The following KPNA6 variants were observed in gnomAD, a reference collection of about 807,000 sequenced individuals.
KPNA6 encodes karyopherin subunit alpha 6.
KPNA6 carries 9 observed loss-of-function variants against 72.0 expected under a neutral mutation model. The ratio of observed to expected loss-of-function variants is 0.13; its 90% confidence interval spans 0.08 to 0.22. KPNA6 has a LOEUF of 0.22. Among genes scored for constraint, KPNA6 ranks in the 10% least tolerant of loss-of-function variants. The pLI, the probability that KPNA6 is intolerant of heterozygous loss-of-function variation, is 1.00. For missense variants in KPNA6, 374 were observed against 655.7 expected, an observed-to-expected ratio of 0.57 and a Z score of 4.69; for synonymous variants, 219 against 242.1, an observed-to-expected ratio of 0.90 and a Z score of 0.89.
chr1:32,135,231 C>G (rs1303038692), intron 1 of KPNA6, among the ~76,000 whole-genome samples: 1 of 152,060 alleles, frequency 6.6e-6, no homozygotes, highest in Admixed American at 6.6e-5. Context: ...CCAGGCCTGG[C>G]TAATTTTGTA....
At chr1:32,116,868 T>G (rs543198861) in intron 1 of KPNA6, among the ~76,000 whole-genome samples, 1 of 152,190 alleles carries the variant, frequency 6.6e-6, no homozygotes, top group South Asian at 2.1e-4. Context: ...TTGTTGTATC[T>G]CAGGGAATAG....
chr1:32,124,152 C>T (rs1161526822), intron 1 of KPNA6, among the ~76,000 whole-genome samples: 1 of 151,168 alleles, frequency 6.6e-6, no homozygotes, highest in Admixed American at 6.6e-5. Flanking sequence ...TGAGGAGGAT[C>T]GCTTGAGCCT....
intron 1 of KPNA6, among the ~76,000 whole-genome samples, chr1:32,152,573 C>T (rs148520082): frequency 7.2e-5 from 11 of 151,904 alleles, no homozygotes; most frequent in East Asian, 3.9e-4. Flanking sequence ...GGGCCAGGCA[C>T]GGTGGCTCAC....
At chr1:32,118,632 C>CA (rs1330358754) in intron 1 of KPNA6, among the ~76,000 whole-genome samples, 6 of 147,180 alleles carry the variant, frequency 4.1e-5, no homozygotes, top group African/African-American at 7.5e-5. Flanking sequence ...CCTGTCTCTA[C>CA]AAAAAAAAAA....
At chr1:32,164,733 C>T (rs540126510) in intron 10 of KPNA6, among the ~76,000 whole-genome samples, 2 of 141,132 alleles carry the variant, frequency 1.4e-5, no homozygotes, top group Admixed American at 7.1e-5. Flanking sequence ...GTCTTTTGCT[C>T]ATGTTTTAAT....
Position 32,126,500 on chromosome 1 carries a change from G to A in KPNA6, c.4+18366G>A, listed in dbSNP as rs570129327. ...CCTGGGTTCAAGTGATTCTTCTGCC[G>A]CAGCCTCCCAAGTAGCTGGGATTAC... On this transcript the variant is annotated intron_variant, in intron 1 of 13. Transcript: ENST00000373625. Among the ~76,000 whole-genome samples, 6 of 151,816 alleles carry A rather than the reference G, an allele frequency of 4.0e-5. No individual in the cohort carries two copies. The South Asian group carries it at 1.0e-3, about 26-fold the overall frequency.
chr1:32,162,459 C>T lies in KPNA6; in HGVS notation c.846C>T (p.Gly282=). 6.2e-7 allele frequency: 1 copy of T among 1,614,098 alleles called. No individual in the cohort carries two copies. Among genetic ancestry groups the T allele is most frequent in the Non-Finnish European group, 8.5e-7 (1 of 1,180,002 alleles). The stretch of plus-strand genomic sequence containing the variant: ...GGGCCCTTTCTTATCTGTCTGATGG[C>T]CCCAATGAGAAGATCCAGGCAGTCA... ...ACWALSYLSD[G]PNEKIQAVID... Residue 282 remains glycine, a synonymous_variant, in exon 9 of 14, where the codon GGC becomes GGT. Transcript: ENST00000373625.
chr1:32,147,379 C>T (rs1188791673), intron 1 of KPNA6, among the ~76,000 whole-genome samples: 1 of 152,114 alleles, frequency 6.6e-6, no homozygotes, highest in Non-Finnish European at 1.5e-5. Context: ...GCAGCATCAA[C>T]CTCCTGTGCT....
intron 10 of KPNA6, among the ~76,000 whole-genome samples, chr1:32,164,650 G>A (rs970770799): frequency 6.8e-6 from 1 of 146,732 alleles, no homozygotes; most frequent in Non-Finnish European, 1.5e-5. Context: ...GATTGGTAAT[G>A]TTGAGCATCT....
chr1:32,163,973 A>G (rs1011352075), intron 10 of KPNA6, among the ~76,000 whole-genome samples: 4 of 152,222 alleles, frequency 2.6e-5, no homozygotes, highest in African/African-American at 9.6e-5. Flanking sequence ...GTACATTCAC[A>G]TTGTTTTTCC....
Position 32,175,346 on chromosome 1 carries a change from C to T in KPNA6, c.*4452C>T, listed in dbSNP as rs910221879. Reference sequence around the variant, plus strand: ...GGCTGACTTCTGATGTCCACATTAGCTCGTACCTGAACCCTGTTGCTGAAT... The same window carrying T: ...GGCTGACTTCTGATGTCCACATTAGTTCGTACCTGAACCCTGTTGCTGAAT... On this transcript the variant is annotated 3_prime_UTR_variant, in exon 14 of 14. Transcript: ENST00000373625. The T allele has an allele frequency of 6.6e-6, 1 of 152,332 alleles. No individual in the cohort carries two copies. Among genetic ancestry groups the T allele is most frequent in the Admixed American group, 6.5e-5 (1 of 15,278 alleles). The allele number at this position is 152,332 out of a possible 1,614,324, so 9.4% of individuals were successfully genotyped here. A position where few individuals can be genotyped will look rare whatever the true frequency, so the allele number is the denominator to read the frequency against.
chr1:32,156,209 C>A (rs1193046329), intron 2 of KPNA6, among the ~76,000 whole-genome samples: 4 of 151,812 alleles, frequency 2.6e-5, no homozygotes, highest in African/African-American at 9.7e-5. Flanking sequence ...CCTTGAATAT[C>A]TTTTCCATGT....
At chr1:32,167,851 C>CAA (rs1278505854) in intron 12 of KPNA6, among the ~76,000 whole-genome samples, 1 of 129,630 alleles carries the variant, frequency 7.7e-6, no homozygotes. Context: ...CAGAGTCTGT[C>CAA]ACAAAAAAAA....
chr1:32,167,314 C>G lies in KPNA6; in HGVS notation c.1244+18C>G. The G allele has an allele frequency of 6.2e-7, 1 of 1,613,642 alleles. No individual in the cohort carries two copies. The highest frequency in any genetic ancestry group is 1.7e-4 in the Middle Eastern group (1 of 6,058). On this transcript the variant is annotated intron_variant, in intron 12 of 13. Coordinates refer to ENST00000373625, the MANE Select transcript of KPNA6 (RefSeq NM_012316.5). ...CAGATCAGGTATTACATTCCTTTCCCGTTGTCTTGAATGATAATGGATGCT... is the reference window on the plus strand; with the variant it reads ...CAGATCAGGTATTACATTCCTTTCCGGTTGTCTTGAATGATAATGGATGCT...
intron 11 of KPNA6, among the ~76,000 whole-genome samples, chr1:32,166,831 G>GT (rs1642348670): frequency 2.0e-5 from 3 of 151,578 alleles, no homozygotes; most frequent in Non-Finnish European, 4.4e-5. Context: ...ACAGCTAGTC[G>GT]GGAGGCTGAG....
intron 1 of KPNA6, among the ~76,000 whole-genome samples, chr1:32,150,673 C>G (rs1205198618): frequency 6.6e-6 from 1 of 152,088 alleles, no homozygotes; most frequent in Admixed American, 6.6e-5. Flanking sequence ...TGTCACCAGG[C>G]TGGAGTGCAG....
chr1:32,126,230 A>C (rs1641532972), intron 1 of KPNA6, among the ~76,000 whole-genome samples: 1 of 151,854 alleles, frequency 6.6e-6, no homozygotes, highest in South Asian at 2.1e-4. Context: ...GGAATTGTGG[A>C]CCATGAATTA....
chr1:32,154,598 G>A lies in KPNA6; in HGVS notation c.15G>A (p.Ala5=). The A allele has an allele frequency of 2.5e-6, 4 of 1,613,366 alleles. No individual in the cohort carries two copies. The highest frequency in any genetic ancestry group is 2.5e-6 in the Non-Finnish European group (3 of 1,179,690). ...TATCTTTTCTTCTAGAGACCATGGC[G>A]AGCCCAGGGAAAGACAATTATCGAA... is the stretch of plus-strand genomic sequence containing the variant. The part of the protein sequence containing the change: METM[A]SPGKDNYRMK... The change falls in exon 2 of 14, where the codon GCG becomes GCA. Residue 5 remains alanine, a synonymous_variant. Transcript: ENST00000373625.
At chr1:32,125,808 A>G (rs1641521633) in intron 1 of KPNA6, among the ~76,000 whole-genome samples, 1 of 152,074 alleles carries the variant, frequency 6.6e-6, no homozygotes, top group Non-Finnish European at 1.5e-5. Context: ...TAACTTGTAT[A>G]ACACCTCCAG....
Sources: allele counts gnomAD v4.1 joint callset (sites outside exome capture counted in the v4.1 genomes callset), GRCh38; gene constraint gnomAD v4.1.1; transcripts MANE v1.5; gene names NCBI Gene and HGNC (gene_info 2026-07-23, HGNC 2026-07-21).